KDM4C: variants seen among roughly 807,000 people sequenced by gnomAD.
KDM4C encodes the protein lysine-specific demethylase 4C.
Under a neutral mutation model 129.3 loss-of-function variants are expected in KDM4C, and 81 were observed. The observed-to-expected ratio is 0.63, with a 90% CI of 0.52 to 0.75. The LOEUF is 0.75. Ranked by LOEUF, KDM4C falls within the 30% of genes least tolerant of loss-of-function variation. The pLI is 0.00. For missense variants in KDM4C, 1,457 were observed against 1,304.0 expected (o/e 1.12, Z -1.81); for synonymous variants, 573 against 456.1 (o/e 1.26, Z -3.26).
intron 20 of KDM4C, among the ~76,000 whole-genome samples, chr9:7,168,008 C>A (rs939265213): frequency 2.0e-5 from 3 of 151,662 alleles, no homozygotes; most frequent in African/African-American, 7.3e-5. Flanking sequence ...GTGGTGCAAC[C>A]CCGTCTCTAC....
intron 12 of KDM4C, among the ~76,000 whole-genome samples, chr9:7,002,556 C>T (rs1157792401): frequency 2.0e-5 from 3 of 152,148 alleles, no homozygotes; most frequent in African/African-American, 7.2e-5. Context: ...ATTTGATGCT[C>T]AGAATATGTT....
chr9:7,120,844 G>A (rs998049448), intron 18 of KDM4C, among the ~76,000 whole-genome samples: 2 of 152,036 alleles, frequency 1.3e-5, no homozygotes, highest in Admixed American at 1.3e-4. Context: ...TTGGTCAGCT[G>A]TTTTTCATTT....
intron 17 of KDM4C, among the ~76,000 whole-genome samples, chr9:7,089,951 G>C (rs1419864158): frequency 1.3e-5 from 2 of 152,252 alleles, no homozygotes; most frequent in Non-Finnish European, 2.9e-5. Flanking sequence ...GCTTAAAGCA[G>C]AATGCAGCTG....
chr9:7,112,597 T>A (rs1478958155), intron 18 of KDM4C, among the ~76,000 whole-genome samples: 2 of 152,220 alleles, frequency 1.3e-5, no homozygotes, highest in African/African-American at 4.8e-5. Context: ...TTGCCTACTG[T>A]CACTTTCAGT....
intron 8 of KDM4C, among the ~76,000 whole-genome samples, chr9:6,927,137 A>ATCTATCTG (rs1200002537): frequency 2.8e-4 from 40 of 143,194 alleles, no homozygotes; most frequent in African/African-American, 9.8e-4. Flanking sequence ...CTATCTATCT[A>ATCTATCTG]TCTGTTTTTT....
chr9:7,044,947 T>TTTCAG (rs1303661473), intron 15 of KDM4C, among the ~76,000 whole-genome samples: 3 of 151,920 alleles, frequency 2.0e-5, no homozygotes, highest in Admixed American at 6.6e-5. Context: ...GGAGAAAATC[T>TTTCAG]TTCAGGAAGG....
At chr9:6,827,090 C>T (rs1351805196) in intron 4 of KDM4C, among the ~76,000 whole-genome samples, 3 of 152,172 alleles carry the variant, frequency 2.0e-5, no homozygotes, top group Non-Finnish European at 4.4e-5. Flanking sequence ...CTTGCACAGA[C>T]ACCCACTGCC....
intron 1 of KDM4C, among the ~76,000 whole-genome samples, chr9:6,751,066 A>C (rs527282338): frequency 6.6e-6 from 1 of 152,270 alleles, no homozygotes; most frequent in African/African-American, 2.4e-5. Context: ...AGAGAGTGAA[A>C]GCAGAAGCTG....
chr9:6,814,887 G>A (rs1425731913), intron 4 of KDM4C, 142 bp downstream of exon 4: 3 of 453,044 alleles, frequency 6.6e-6, no homozygotes, highest in Non-Finnish European at 1.2e-5. Context: ...ATATTCATCA[G>A]TAGGATTTCT....
intron 1 of KDM4C, among the ~76,000 whole-genome samples, chr9:6,752,579 T>A (rs1471353910): frequency 6.6e-6 from 1 of 151,230 alleles, no homozygotes; most frequent in African/African-American, 2.4e-5. Context: ...CCTGGCTAAT[T>A]TTGTATTTTT....
At chr9:7,152,486 C>T (rs1157578606) in intron 19 of KDM4C, among the ~76,000 whole-genome samples, 1 of 152,104 alleles carries the variant, frequency 6.6e-6, no homozygotes. Flanking sequence ...CATGAGGTAC[C>T]TAGAATAGTC....
At chr9:6,893,269 G>T (rs1390158551) in intron 8 of KDM4C, 37 bp downstream of exon 8, 1 of 1,557,868 alleles carries the variant, frequency 6.4e-7, no homozygotes, top group East Asian at 2.3e-5. Context: ...AAAATTAAAT[G>T]TGTATTCTGG....
Position 6,984,491 on chromosome 9 carries a change from A to G in KDM4C, c.1354+87A>G, listed in dbSNP as rs572918852. ...TAAATGGATGTTCACTATGACAAGT[A>G]TCTGACTAGTCCACATAGCTTAATC... On this transcript the variant is annotated intron_variant, in intron 10 of 21. Transcript: ENST00000381309. The G allele has an allele frequency of 7.2e-6, 6 of 832,746 alleles. No individual in the cohort carries two copies. The South Asian group carries it at 7.6e-5, about 11-fold the overall frequency. 51.6% of individuals were successfully genotyped at this position (832,746 alleles called of 1,614,324 possible).
At chr9:6,770,147 C>T (rs996347679) in intron 1 of KDM4C, among the ~76,000 whole-genome samples, 3 of 151,184 alleles carry the variant, frequency 2.0e-5, no homozygotes, top group Non-Finnish European at 4.4e-5. Context: ...CCATTGCACT[C>T]TAGCCTGGGC....
intron 5 of KDM4C, among the ~76,000 whole-genome samples, chr9:6,865,556 G>C (rs1841796278): frequency 6.6e-6 from 1 of 151,870 alleles, no homozygotes; most frequent in Non-Finnish European, 1.5e-5. Flanking sequence ...ATTTATCTCA[G>C]TCTTCTCTCT....
At chr9:6,720,886 C>A in exon 1 of KDM4C, 1 of 1,433,076 alleles carries the variant, frequency 7.0e-7, no homozygotes, top group Non-Finnish European at 9.6e-7. Context: ...TGGTCTGTGA[C>A]CTGAAAGTTG....
Position 7,089,383 on chromosome 9 carries a change from A to G in KDM4C, c.2425-14302A>G, listed in dbSNP as rs530976312. 2.0e-5 allele frequency among the ~76,000 whole-genome samples: 3 copies of G among 152,324 alleles called. No homozygotes were observed. In the East Asian group the frequency reaches 5.8e-4, roughly 29 times the overall value. On this transcript the variant is annotated intron_variant, in intron 17 of 21. Coordinates refer to ENST00000381309, the MANE Select transcript of KDM4C (RefSeq NM_015061.6). The stretch of plus-strand genomic sequence containing the variant: ...CTTTTGCAGCAGGATCGAGTTCTTC[A>G]CAGTATTGACTCAGTGGTATTTGTA...
At chr9:6,939,721 A>G (rs933604144) in intron 8 of KDM4C, among the ~76,000 whole-genome samples, 1 of 152,224 alleles carries the variant, frequency 6.6e-6, no homozygotes, top group African/African-American at 2.4e-5. Flanking sequence ...CTAATTAATG[A>G]TAGGGTTCCT....
intron 18 of KDM4C, among the ~76,000 whole-genome samples, chr9:7,115,947 G>C (rs1838849784): frequency 6.6e-6 from 1 of 152,196 alleles, no homozygotes; most frequent in Non-Finnish European, 1.5e-5. Context: ...CCAGTCAGAA[G>C]TTGGCATCTT....
Sources: gnomAD v4.1 joint callset for allele counts (sites outside exome capture counted in the v4.1 genomes callset) on GRCh38, gnomAD v4.1.1 for gene constraint, MANE v1.5 for transcripts, NCBI Gene and HGNC (gene_info 2026-07-23, HGNC 2026-07-21) for gene names.